HERC1: variants seen among roughly 807,000 people sequenced by gnomAD.
HERC1 encodes HECT and RLD domain containing E3 ubiquitin protein ligase family member 1.
In HERC1, 160 loss-of-function variants were observed where a neutral mutation model predicts 554.3. The observed-to-expected ratio is 0.29, with a 90% CI of 0.25 to 0.33. The LOEUF (loss-of-function observed/expected upper bound fraction) is 0.33. Ranked by LOEUF, HERC1 falls within the 10% of genes least tolerant of loss-of-function variation. The pLI is 1.00. For missense variants in HERC1, 4,919 were observed against 5,918.5 expected (o/e 0.83, Z 5.54); for synonymous variants, 2,175 against 2,131.7 (o/e 1.02, Z -0.56).
At chr15:63,825,599 T>C (rs1294752313) in intron 1 of HERC1, among the ~76,000 whole-genome samples, 1 of 152,128 alleles carries the variant, frequency 6.6e-6, no homozygotes, top group Non-Finnish European at 1.5e-5. Context: ...TGGGCTTATT[T>C]TGTAATCAGT....
At chr15:63,714,826 C>T (rs2073474541) in intron 22 of HERC1, among the ~76,000 whole-genome samples, 4 of 151,948 alleles carry the variant, frequency 2.6e-5, no homozygotes, top group African/African-American at 7.3e-5. Context: ...GGATTACAGC[C>T]GTGAGCCACC....
In HERC1 at chr15:63,822,733, G is replaced by C. The variant is rs201751682; in HGVS notation, c.-27+11094C>G. ...GTCAAGTGAGAAAACAAGGAAACCA[G>C]ATAAGAGACTATTATAATTACCCAC... On this transcript the variant is annotated intron_variant, in intron 1 of 77. Coordinates refer to ENST00000443617, the MANE Select transcript of HERC1 (RefSeq NM_003922.4). Among the ~76,000 whole-genome samples the C allele has an allele frequency of 2.6e-4, 39 of 152,306 alleles. No individual in the cohort carries two copies. In the East Asian group the frequency reaches 6.6e-3, roughly 26 times the overall value.
At chr15:63,633,462 T>C (rs570618648) in intron 67 of HERC1, among the ~76,000 whole-genome samples, 2 of 152,310 alleles carry the variant, frequency 1.3e-5, no homozygotes, top group South Asian at 4.2e-4. Context: ...GACGTGTACC[T>C]GTGTTAATTC....
At chr15:63,679,935 T>C in intron 36 of HERC1, 142 bp downstream of exon 36, 1 of 516,658 alleles carries the variant, frequency 1.9e-6, no homozygotes, top group South Asian at 3.3e-5. Context: ...TTTCTGAAAG[T>C]AACCTTCTTC....
At position 63,632,560 on chromosome 15, in the gene HERC1, G is replaced by A. The variant is rs193067530; in HGVS notation, c.12796+149C>T. 175 of 697,040 alleles carry A rather than the reference G, an allele frequency of 2.5e-4. No homozygotes were observed. The African/African-American group carries it at 2.6e-3, about 10-fold the overall frequency. 43.2% of individuals were successfully genotyped at this position (697,040 alleles called of 1,614,324 possible). A position where few individuals can be genotyped will look rare whatever the true frequency, so the allele number is the denominator to read the frequency against. The stretch of plus-strand genomic sequence containing the variant: ...ATAATAAAGCACATGAAAGAGAAGT[G>A]GAAAATTATCTATACTGAAAGGAGG... On this transcript the variant is annotated intron_variant, in intron 68 of 77. Coordinates refer to ENST00000443617, the MANE Select transcript of HERC1 (RefSeq NM_003922.4).
chr15:63,810,367 C>A (rs147148078), intron 1 of HERC1, among the ~76,000 whole-genome samples: 2 of 151,850 alleles, frequency 1.3e-5, no homozygotes, highest in Non-Finnish European at 2.9e-5. Context: ...TTGATATATA[C>A]TATGAGGAGA....
intron 1 of HERC1, among the ~76,000 whole-genome samples, chr15:63,799,100 T>A (rs144872006): frequency 1.3e-5 from 2 of 152,200 alleles, no homozygotes; most frequent in African/African-American, 4.8e-5. Flanking sequence ...AATCAGTCAA[T>A]GACACGGAGT....
In HERC1 at chr15:63,755,230, T is replaced by C; in HGVS notation, c.1629A>G (p.Leu543=). 1 of 1,601,388 alleles carries C rather than the reference T, an allele frequency of 6.2e-7. No individual in the cohort carries two copies. The highest frequency in any genetic ancestry group is 8.6e-7 in the Non-Finnish European group (1 of 1,168,620). ...YTWGEGDFGR[L]GHGDSNSRNI... Reference sequence around the variant, plus strand: ...ACTTACATTTTTAAAAAATCTTACCTAATCTTCCAAAGTCTCCTTCACCCC... The same window carrying C: ...ACTTACATTTTTAAAAAATCTTACCCAATCTTCCAAAGTCTCCTTCACCCC... The change falls in exon 6 of 78, where the codon TTA becomes TTG. Residue 543 remains leucine (L), a splice_region_variant and synonymous_variant. Transcript: ENST00000443617.
intron 1 of HERC1, among the ~76,000 whole-genome samples, chr15:63,781,076 T>C (rs977981633): frequency 2.0e-5 from 3 of 152,072 alleles, no homozygotes; most frequent in African/African-American, 7.2e-5. Flanking sequence ...TGTTAGGTAA[T>C]AAATGGGACA....
At chr15:63,737,398 CAG>C (rs2074559151) in intron 12 of HERC1, among the ~76,000 whole-genome samples, 1 of 83,414 alleles carries the variant, frequency 1.2e-5, no homozygotes, top group Non-Finnish European at 2.7e-5. Flanking sequence ...ATCGTTTTTC[CAG>C]ATATATATAT....
chr15:63,729,656 T>C lies in HERC1; in HGVS notation c.2869-7A>G. The C allele has an allele frequency of 6.2e-7, 1 of 1,613,264 alleles. No homozygotes were observed. The highest frequency in any genetic ancestry group is 8.5e-7 in the Non-Finnish European group (1 of 1,179,370). On this transcript the variant is annotated splice_polypyrimidine_tract_variant and splice_region_variant and intron_variant, in intron 14 of 77. Transcript: ENST00000443617. The stretch of plus-strand genomic sequence containing the variant: ...GCTCTCCAAATGCTTGATCCTAAAA[T>C]GACACACAAAGGAAGTTTATATTTG...
intron 1 of HERC1, among the ~76,000 whole-genome samples, chr15:63,826,715 C>T (rs1317203349): frequency 7.0e-6 from 1 of 141,950 alleles, no homozygotes; most frequent in African/African-American, 2.6e-5. Flanking sequence ...CAACCATCTG[C>T]AAGCATTAAG....
intron 64 of HERC1, 55 bp downstream of exon 64, chr15:63,637,450 C>G (rs1257885743): frequency 1.4e-6 from 2 of 1,479,766 alleles, no homozygotes; most frequent in Non-Finnish European, 9.2e-7. Flanking sequence ...TTTGTACGAC[C>G]AAACCTACAT....
In HERC1 at chr15:63,764,207, T is replaced by C. The variant is rs746209028; in HGVS notation, c.931-16A>G. On this transcript the variant is annotated splice_polypyrimidine_tract_variant and intron_variant, in intron 2 of 77. Transcript: ENST00000443617. ...CAGATGAACCCTATAATTAAAACAT[T>C]GCGGGACACAGCGTAGGAAGGGGAG... is the stretch of plus-strand genomic sequence containing the variant. The C allele has an allele frequency of 4.5e-6, 7 of 1,558,796 alleles. No homozygotes were observed. The African/African-American group carries it at 9.5e-5, about 21-fold the overall frequency.
At chr15:63,620,784 A>G (rs1290299366) in intron 74 of HERC1, among the ~76,000 whole-genome samples, 1 of 152,100 alleles carries the variant, frequency 6.6e-6, no homozygotes, top group Non-Finnish European at 1.5e-5. Flanking sequence ...TTGTTGGTTT[A>G]AAGTTGTTTT....
At chr15:63,698,176 G>A (rs555305632) in intron 26 of HERC1, among the ~76,000 whole-genome samples, 2 of 152,232 alleles carry the variant, frequency 1.3e-5, no homozygotes, top group South Asian at 4.1e-4. Flanking sequence ...AGCACTTTGG[G>A]AGGCCGAGGC....
chr15:63,652,459 G>T lies in HERC1; in HGVS notation c.10373C>A (p.Thr3458Asn), dbSNP rs1181906406. Residue 3458 changes from threonine (T) to asparagine (N), a missense_variant, in exon 52 of 78, where the codon ACC becomes AAC. Thr to Asn is a moderately conservative substitution (Grantham distance 65). Coordinates refer to ENST00000443617, the MANE Select transcript of HERC1 (RefSeq NM_003922.4). ...NDGTIRVWNV[T>N]KKQYSLQQTC... Reference sequence around the variant, plus strand: ...CTGTTGCAGTGAATATTGCTTCTTGGTAACATTCCATACGCGGATGGTGCC... The same window carrying T: ...CTGTTGCAGTGAATATTGCTTCTTGTTAACATTCCATACGCGGATGGTGCC... The T allele has an allele frequency of 3.1e-6, 5 of 1,612,694 alleles. No homozygotes were observed. The South Asian group carries it at 5.5e-5, about 18-fold the overall frequency.
At chr15:63,661,137 A>T in intron 45 of HERC1, 112 bp from the exon 46 acceptor site, 1 of 773,128 alleles carries the variant, frequency 1.3e-6, no homozygotes. Context: ...AGCACAAAAT[A>T]AAAAAGTATG....
chr15:63,754,579 G>C lies in HERC1; in HGVS notation c.1700C>G (p.Ser567Cys). 3.7e-6 allele frequency: 6 copies of C among 1,613,520 alleles called. No individual in the cohort carries two copies. The highest frequency in any genetic ancestry group is 4.2e-6 in the Non-Finnish European group (5 of 1,179,600). ...AGCAATAGTATGTGAACTGCCACAA[G>C]AAACCTCTCCTACATTGCTGATGTC... ...VKDISNVGEV[S>C]CGSSHTIALS... The change falls in exon 7 of 78, where the codon TCT becomes TGT. Residue 567 changes from serine to cysteine, a missense_variant. Coordinates refer to ENST00000443617, the MANE Select transcript of HERC1 (RefSeq NM_003922.4).
Sources: allele counts gnomAD v4.1 joint callset (sites outside exome capture counted in the v4.1 genomes callset), GRCh38; gene constraint gnomAD v4.1.1; transcripts MANE v1.5; gene names NCBI Gene and HGNC (gene_info 2026-07-23, HGNC 2026-07-21).